CCDC93: variants seen among roughly 807,000 people sequenced by gnomAD.
The protein encoded by CCDC93 is coiled-coil domain-containing protein 93.
CCDC93 carries 61 observed loss-of-function variants against 108.2 expected under a neutral mutation model. That is an observed-to-expected ratio of 0.56 (90% confidence interval 0.46 to 0.70). The LOEUF is 0.70. Among genes scored for constraint, CCDC93 ranks in the 30% least tolerant of loss-of-function variants. The pLI, the probability that CCDC93 is intolerant of heterozygous loss-of-function variation, is 0.00. For missense variants in CCDC93, 685 were observed against 764.2 expected (o/e 0.90, Z 1.22); for synonymous variants, 276 against 260.4 (o/e 1.06, Z -0.58).
intron 7 of CCDC93, among the ~76,000 whole-genome samples, chr2:117,981,667 T>A (rs1172379505): frequency 6.6e-6 from 1 of 152,202 alleles, no homozygotes; most frequent in Admixed American, 6.5e-5. Context: ...AATTACTAGG[T>A]TAGTAGGTTC....
At chr2:117,970,728 A>T (rs141777116) in intron 11 of CCDC93, among the ~76,000 whole-genome samples, 1 of 152,322 alleles carries the variant, frequency 6.6e-6, no homozygotes, top group African/African-American at 2.4e-5. Flanking sequence ...TGTAACCTGT[A>T]CTTACACAGA....
chr2:118,003,610 C>T (rs974628907), intron 3 of CCDC93, among the ~76,000 whole-genome samples: 2 of 152,248 alleles, frequency 1.3e-5, no homozygotes, highest in African/African-American at 4.8e-5. Flanking sequence ...GGCTGGGACC[C>T]ACACCACCAT....
intron 3 of CCDC93, among the ~76,000 whole-genome samples, chr2:118,005,242 G>A (rs72838038): frequency 0.057 from 8,617 of 152,146 alleles, 299 homozygotes; most frequent in Non-Finnish European, 0.082. Flanking sequence ...TAAGGATATC[G>A]AAATGAAAAC....
intron 23 of CCDC93, among the ~76,000 whole-genome samples, chr2:117,923,653 G>GAGGC (rs1677966988): frequency 7.3e-6 from 1 of 137,548 alleles, no homozygotes; most frequent in African/African-American, 2.9e-5. Context: ...GCAGCACAAG[G>GAGGC]AGGCCTGCCT....
At chr2:117,939,607 A>G (rs1242092669) in intron 19 of CCDC93, among the ~76,000 whole-genome samples, 2 of 152,204 alleles carry the variant, frequency 1.3e-5, no homozygotes, top group East Asian at 3.8e-4. Context: ...GAAAGATTTA[A>G]CTTAAAGCAG....
chr2:117,949,956 C>T, intron 13 of CCDC93: 1 of 985,430 alleles, frequency 1.0e-6, no homozygotes, highest in Non-Finnish European at 1.2e-6. Context: ...TTAGGAATAG[C>T]CACATAGGCT....
At chr2:117,983,036 T>C (rs1279584789) in intron 7 of CCDC93, among the ~76,000 whole-genome samples, 1 of 152,182 alleles carries the variant, frequency 6.6e-6, no homozygotes, top group Admixed American at 6.5e-5. Context: ...GGGTTTTTTC[T>C]CTTATCTATA....
At chr2:117,935,638 T>G (rs978343490) in intron 21 of CCDC93, 59 bp from the exon 22 acceptor site, 5 of 1,231,818 alleles carry the variant, frequency 4.1e-6, no homozygotes, top group Admixed American at 3.4e-5. Context: ...CAGGGGGAAA[T>G]GCCAAGCAGT....
chr2:117,944,845 C>G (rs1233356032), intron 17 of CCDC93: 1 of 469,490 alleles, frequency 2.1e-6, no homozygotes, highest in Admixed American at 2.4e-5. Flanking sequence ...TTAAAGAAGG[C>G]AGATGCTTAC....
At chr2:118,013,779 G>A (rs2104842233) in intron 1 of CCDC93, among the ~76,000 whole-genome samples, 175 bp downstream of exon 1, 1 of 152,250 alleles carries the variant, frequency 6.6e-6, no homozygotes, top group East Asian at 1.9e-4. Context: ...TGCCCATGCA[G>A]GGGTACCTGC....
chr2:117,998,805 AG>A (rs1358153834), intron 4 of CCDC93: 3 of 152,248 alleles, frequency 2.0e-5, no homozygotes, highest in Non-Finnish European at 4.4e-5. Flanking sequence ...ATGATATTGG[AG>A]GTTTCAATAA....
intron 22 of CCDC93, among the ~76,000 whole-genome samples, chr2:117,932,881 T>A (rs1242356806): frequency 6.6e-6 from 1 of 152,194 alleles, no homozygotes; most frequent in African/African-American, 2.4e-5. Context: ...GCTAGGTCCC[T>A]CTCTCTTATT....
Position 117,944,044 on chromosome 2 carries a change from A to C in CCDC93, c.1393T>G (p.Tyr465Asp). 1 of 1,606,540 alleles carries C rather than the reference A, an allele frequency of 6.2e-7. No homozygotes were observed. Among genetic ancestry groups the C allele is most frequent in the Non-Finnish European group, 8.5e-7 (1 of 1,177,092 alleles). Reference sequence around the variant, plus strand: ...CTCACCTGTAGTAAACGTATCTTGTAAAGTTTCTCTTTCTCCATATTATAC... The same window carrying C: ...CTCACCTGTAGTAAACGTATCTTGTCAAGTTTCTCTTTCTCCATATTATAC... ...RRYNMEKEKLYKIRLLQARRN... is the reference protein window; with the variant it reads ...RRYNMEKEKLDKIRLLQARRN... The change falls in exon 18 of 24, where the codon TAC becomes GAC. Residue 465 changes from tyrosine (Y) to aspartate (D), a missense_variant. Coordinates refer to ENST00000376300, the MANE Select transcript of CCDC93 (RefSeq NM_019044.5).
intron 14 of CCDC93, 83 bp from the exon 15 acceptor site, chr2:117,948,269 A>T (rs1303105070): frequency 1.1e-6 from 1 of 902,820 alleles, no homozygotes; most frequent in African/African-American, 1.7e-5. Flanking sequence ...CCGCAGCTAA[A>T]AAAGGACTCT....
rs562731849 is a variant in CCDC93, at chr2:118,010,177, G to A, written c.43-1519C>T. 1.1e-3 allele frequency among the ~76,000 whole-genome samples: 166 copies of A among 151,986 alleles called. 1 individual carries two copies. In the South Asian group the frequency reaches 0.012, roughly 11 times the overall value. On this transcript the variant is annotated intron_variant, in intron 1 of 23. Coordinates refer to ENST00000376300, the MANE Select transcript of CCDC93 (RefSeq NM_019044.5). ...TCACCGTGTTAGCCAGGATAGTTTCGATCTCCTGACCTCATGATCCACCCG... is the reference window on the plus strand; with the variant it reads ...TCACCGTGTTAGCCAGGATAGTTTCAATCTCCTGACCTCATGATCCACCCG...
At chr2:117,974,126 C>G (rs1449748584) in intron 10 of CCDC93, 132 bp from the exon 11 acceptor site, 2 of 707,404 alleles carry the variant, frequency 2.8e-6, no homozygotes, top group Non-Finnish European at 5.0e-6. Flanking sequence ...AATAATTTGG[C>G]TTTGCCACAT....
intron 22 of CCDC93, among the ~76,000 whole-genome samples, chr2:117,931,918 T>C (rs770516844): frequency 1.3e-5 from 2 of 152,186 alleles, no homozygotes; most frequent in African/African-American, 2.4e-5. Context: ...CGTGTAGTGG[T>C]GAACATGGCA....
At position 117,996,340 on chromosome 2, in the gene CCDC93, T is replaced by G; in HGVS notation, c.386A>C (p.Glu129Ala). ...VVQWLVKRAIETKEEMGDYIR... is the reference protein window; with the variant it reads ...VVQWLVKRAIATKEEMGDYIR... ...ATAGTCACCCATCTCTTCTTTTGTT[T>G]CTATAGCTCGTTTCACCAGCCACTG... The change falls in exon 5 of 24, where the codon GAA becomes GCA. Residue 129 changes from glutamate (E) to alanine (A), a missense_variant. By Grantham distance (107) the Glu-to-Ala change is moderately radical (BLOSUM62 -1). Coordinates refer to ENST00000376300, the MANE Select transcript of CCDC93 (RefSeq NM_019044.5). 6.2e-7 allele frequency: 1 copy of G among 1,613,622 alleles called. No homozygotes were observed. The highest frequency in any genetic ancestry group is 8.5e-7 in the Non-Finnish European group (1 of 1,179,550).
intron 7 of CCDC93, among the ~76,000 whole-genome samples, chr2:117,982,360 T>C (rs1035110615): frequency 6.6e-6 from 1 of 152,152 alleles, no homozygotes; most frequent in Admixed American, 6.5e-5. Flanking sequence ...TGAAATATTA[T>C]AGGTGTGCAA....
Sources: allele counts gnomAD v4.1 joint callset (sites outside exome capture counted in the v4.1 genomes callset), GRCh38; gene constraint gnomAD v4.1.1; transcripts MANE v1.5; gene names NCBI Gene and HGNC (gene_info 2026-07-23, HGNC 2026-07-21).